DOCK3: variants seen among roughly 807,000 people sequenced by gnomAD.
DOCK3 encodes the protein dedicator of cytokinesis 3, also known as dedicator of cytokinesis protein 3.
In DOCK3, 60 loss-of-function variants were observed where a neutral mutation model predicts 265.6. That is an observed-to-expected ratio of 0.23 (90% CI 0.18 to 0.28). The LOEUF is 0.28. Among genes scored for constraint, DOCK3 ranks in the 10% least tolerant of loss-of-function variants. The pLI is 1.00. For missense variants in DOCK3, 1,981 were observed against 2,594.3 expected, an observed-to-expected ratio of 0.76 and a Z score of 5.14; for synonymous variants, 881 against 938.0, an observed-to-expected ratio of 0.94 and a Z score of 1.11.
At chr3:50,845,191 A>AGG (rs1045245663) in intron 3 of DOCK3, among the ~76,000 whole-genome samples, 2 of 152,138 alleles carry the variant, frequency 1.3e-5, no homozygotes, top group African/African-American at 2.4e-5. Flanking sequence ...TGGACAACAA[A>AGG]GGGAGACTCT....
intron 38 of DOCK3, among the ~76,000 whole-genome samples, chr3:51,347,930 G>A (rs543208846): frequency 3.7e-4 from 56 of 152,192 alleles, no homozygotes; most frequent in Middle Eastern, 3.4e-3. Context: ...TCACAATTTG[G>A]CTCTCTGTTT....
chr3:50,802,105 T>C (rs561283036), intron 2 of DOCK3, among the ~76,000 whole-genome samples: 9 of 152,180 alleles, frequency 5.9e-5, no homozygotes, highest in Admixed American at 2.6e-4. Context: ...GTGAGTTGCT[T>C]GTAGGCAGTA....
intron 9 of DOCK3, among the ~76,000 whole-genome samples, chr3:51,135,820 C>G (rs1264736048): frequency 1.3e-5 from 2 of 152,104 alleles, no homozygotes; most frequent in African/African-American, 4.8e-5. Context: ...AAACAATCAT[C>G]CCACTTCAGC....
chr3:51,100,421 T>TG (rs2083037580), intron 9 of DOCK3, among the ~76,000 whole-genome samples: 1 of 152,180 alleles, frequency 6.6e-6, no homozygotes, highest in Admixed American at 6.5e-5. Flanking sequence ...AGATGGAACC[T>TG]GGGGCAAGTA....
At chr3:50,928,415 C>T (rs1364977526) in intron 4 of DOCK3, among the ~76,000 whole-genome samples, 1 of 152,024 alleles carries the variant, frequency 6.6e-6, no homozygotes, top group Non-Finnish European at 1.5e-5. Flanking sequence ...CTTTTTGTAT[C>T]TGGCATATTT....
intron 1 of DOCK3, among the ~76,000 whole-genome samples, chr3:50,748,071 A>G (rs2039565491): frequency 6.6e-6 from 1 of 152,020 alleles, no homozygotes; most frequent in African/African-American, 2.4e-5. Flanking sequence ...TTCCTTTTCA[A>G]TTTGTATGCC....
Position 51,089,280 on chromosome 3 carries a change from C to T in DOCK3, c.587C>T (p.Ser196Phe). The T allele has an allele frequency of 6.2e-7, 1 of 1,609,306 alleles. No individual in the cohort carries two copies. The highest frequency in any genetic ancestry group is 1.3e-5 in the African/African-American group (1 of 74,974). The change falls in exon 8 of 53, where the codon TCC becomes TTC. Residue 196 changes from serine to phenylalanine, a missense_variant. Transcript: ENST00000266037. ...CGGCAGAGTGTACAGCAAAGCACAT[C>T]CCAGGTAAGCGGCTTTCCTGGGTCT... ...SSRQSVQQST[S>F]QVDTMRPRHG...
In DOCK3 at chr3:50,782,393, C is replaced by G. The variant is rs368806553; in HGVS notation, c.121+3635C>G. ...GCAAGCTCCGCCTCCCGGGTTCACG[C>G]CATTCTCCTGCCTCAGCCTCCCGAG... On this transcript the variant is annotated intron_variant, in intron 2 of 52. Coordinates refer to ENST00000266037, the MANE Select transcript of DOCK3 (RefSeq NM_004947.5). Among the ~76,000 whole-genome samples the G allele has an allele frequency of 2.1e-5, 3 of 145,790 alleles. No individual in the cohort carries two copies. In the South Asian group the frequency reaches 6.6e-4, roughly 32 times the overall value.
chr3:50,703,839 A>AT (rs34223701), intron 1 of DOCK3, among the ~76,000 whole-genome samples: 118,614 of 151,358 alleles, frequency 0.78, 47,468 homozygotes, highest in Middle Eastern at 0.89. Context: ...TTCATCTGTA[A>AT]TTTTTTTATT....
rs954431817 is a variant in DOCK3, at chr3:51,017,195, C to G, written c.316-47253C>G. On this transcript the variant is annotated intron_variant, in intron 5 of 52. Coordinates refer to ENST00000266037, the MANE Select transcript of DOCK3 (RefSeq NM_004947.5). ...TTTTTCATAGTAGCCACTAATGATC[C>G]TTTGATTTTTCTGTGGTATCAGTTG... Among the ~76,000 whole-genome samples the G allele has an allele frequency of 2.2e-4, 33 of 150,204 alleles. 1 individual carries two copies. The highest frequency in any genetic ancestry group is 3.7e-4 in the Non-Finnish European group (25 of 67,708).
intron 1 of DOCK3, among the ~76,000 whole-genome samples, chr3:50,737,591 C>CT (rs1196357597): frequency 2.0e-5 from 3 of 152,124 alleles, no homozygotes; most frequent in Non-Finnish European, 4.4e-5. Context: ...ATTCCTTTGG[C>CT]TTTTTTTCAG....
At chr3:51,366,413 TTTTG>T (rs911968985) in intron 49 of DOCK3, among the ~76,000 whole-genome samples, 8 of 152,214 alleles carry the variant, frequency 5.3e-5, no homozygotes, top group African/African-American at 1.7e-4. Flanking sequence ...GGTCTATCAA[TTTTG>T]TTTATCTTTT....
intron 5 of DOCK3, among the ~76,000 whole-genome samples, chr3:50,979,671 A>T (rs943224627): frequency 1.1e-4 from 17 of 152,070 alleles, no homozygotes; most frequent in South Asian, 4.2e-4. Context: ...GCCTCTTTTT[A>T]AAAAAAATAA....
At chr3:51,150,785 A>G (rs1284054810) in intron 10 of DOCK3, among the ~76,000 whole-genome samples, 3 of 152,104 alleles carry the variant, frequency 2.0e-5, no homozygotes, top group African/African-American at 7.2e-5. Flanking sequence ...AATAAGTGTG[A>G]TGTGGTGCTG....
chr3:51,263,990 C>A (rs1394615117), intron 23 of DOCK3, among the ~76,000 whole-genome samples: 1 of 151,776 alleles, frequency 6.6e-6, no homozygotes, highest in Non-Finnish European at 1.5e-5. Flanking sequence ...ATCCCACTCT[C>A]AGTATTAGAT....
intron 32 of DOCK3, among the ~76,000 whole-genome samples, chr3:51,322,293 C>T (rs1488529985): frequency 6.6e-6 from 1 of 152,258 alleles, no homozygotes; most frequent in South Asian, 2.1e-4. Context: ...AGTTCTGCCT[C>T]CTGGGTTCAT....
chr3:51,287,973 A>G (rs1392831751), intron 27 of DOCK3, among the ~76,000 whole-genome samples: 1 of 152,244 alleles, frequency 6.6e-6, no homozygotes, highest in Non-Finnish European at 1.5e-5. Flanking sequence ...GAACGAGATC[A>G]TGTCCTTTGC....
chr3:51,025,646 A>G (rs575707030), intron 5 of DOCK3, among the ~76,000 whole-genome samples: 2 of 152,258 alleles, frequency 1.3e-5, no homozygotes, highest in African/African-American at 4.8e-5. Flanking sequence ...TCTTGAGATT[A>G]TATCACAAAA....
Position 51,382,528 on chromosome 3 carries a change from G to A in DOCK3, c.*969G>A, listed in dbSNP as rs2088717457. ...TCCAGAATGCCTACCATCAGCTCCT[G>A]AATCAGGGATTTTCAGCACTACCTC... On this transcript the variant is annotated 3_prime_UTR_variant, in exon 53 of 53. Transcript: ENST00000266037. The A allele has an allele frequency of 1.3e-5, 2 of 152,696 alleles. No homozygotes were observed. 9.5% of individuals were successfully genotyped at this position (152,696 alleles called of 1,614,324 possible).
Sources: gnomAD v4.1 joint callset for allele counts (sites outside exome capture counted in the v4.1 genomes callset) on GRCh38, gnomAD v4.1.1 for gene constraint, MANE v1.5 for transcripts, NCBI Gene and HGNC (gene_info 2026-07-23, HGNC 2026-07-21) for gene names.